The following SNAP25 variants were observed in gnomAD, a reference collection of about 807,000 sequenced individuals.
SNAP25 encodes synaptosomal-associated protein 25.
In SNAP25, 3 loss-of-function variants were observed where a neutral mutation model predicts 28.7. The ratio of observed to expected loss-of-function variants is 0.10; its 90% CI spans 0.05 to 0.27. SNAP25 has a LOEUF of 0.27. SNAP25 is among the 10% of genes least tolerant of loss of function. SNAP25 has a pLI of 1.00. For missense variants in SNAP25, 117 were observed against 278.7 expected (o/e 0.42, Z 4.13); for synonymous variants, 61 against 88.1 (o/e 0.69, Z 1.72).
chr20:10,261,009 C>A (rs925666508), intron 1 of SNAP25, among the ~76,000 whole-genome samples: 1 of 152,114 alleles, frequency 6.6e-6, no homozygotes, highest in Admixed American at 6.6e-5. Context: ...TGTTTACTAA[C>A]CACCTCTTGG....
chr20:10,273,375 A>ACTGT (rs2063632447), intron 1 of SNAP25, among the ~76,000 whole-genome samples: 2 of 152,224 alleles, frequency 1.3e-5, no homozygotes, highest in Non-Finnish European at 2.9e-5. Context: ...GACATTTACT[A>ACTGT]GTTAGTGTAA....
intron 6 of SNAP25, among the ~76,000 whole-genome samples, chr20:10,297,260 T>C (rs934365285): frequency 5.3e-5 from 8 of 152,218 alleles, no homozygotes; most frequent in Non-Finnish European, 1.2e-4. Context: ...GCTGGGGCTG[T>C]TGGTGGGGCA....
chr20:10,259,202 A>G (rs1221284620), intron 1 of SNAP25, among the ~76,000 whole-genome samples: 1 of 152,210 alleles, frequency 6.6e-6, no homozygotes, highest in African/African-American at 2.4e-5. Context: ...GTGAATGCCC[A>G]TGTTTTTTGA....
chr20:10,292,388 C>G (rs1359022751), intron 4 of SNAP25, among the ~76,000 whole-genome samples: 1 of 152,154 alleles, frequency 6.6e-6, no homozygotes, highest in Non-Finnish European at 1.5e-5. Flanking sequence ...CATCCATACC[C>G]ATTGCTTATG....
intron 5 of SNAP25, among the ~76,000 whole-genome samples, chr20:10,295,409 A>G (rs1341298032): frequency 1.3e-5 from 2 of 152,224 alleles, no homozygotes; most frequent in Non-Finnish European, 2.9e-5. Flanking sequence ...AAAAATAAAA[A>G]TTAAAAAAGC....
At chr20:10,251,112 A>T (rs1439140357) in intron 1 of SNAP25, among the ~76,000 whole-genome samples, 2 of 152,216 alleles carry the variant, frequency 1.3e-5, no homozygotes, top group Non-Finnish European at 2.9e-5. Flanking sequence ...TGTTATAAAG[A>T]TGTGTGAGAC....
intron 1 of SNAP25, among the ~76,000 whole-genome samples, chr20:10,240,933 G>A (rs908835353): frequency 6.6e-6 from 1 of 152,170 alleles, no homozygotes; most frequent in African/African-American, 2.4e-5. Context: ...CGTGGAGCCA[G>A]CAATCACAGC....
At chr20:10,277,647 C>T (rs779517767) in intron 2 of SNAP25, 38 bp from the exon 3 acceptor site, 4 of 1,583,776 alleles carry the variant, frequency 2.5e-6, no homozygotes, top group Admixed American at 1.7e-5. Flanking sequence ...GGATCCTGCA[C>T]TCATAAAGTT....
At chr20:10,285,599 A>G (rs2284299) in intron 4 of SNAP25, among the ~76,000 whole-genome samples, 4 of 151,782 alleles carry the variant, frequency 2.6e-5, no homozygotes, top group Non-Finnish European at 4.4e-5. Context: ...AGTCATGACT[A>G]TTTTTTTTAT....
intron 4 of SNAP25, among the ~76,000 whole-genome samples, chr20:10,289,754 A>G (rs2063959627): frequency 6.7e-6 from 1 of 149,902 alleles, no homozygotes; most frequent in Admixed American, 6.7e-5. Context: ...TCTTCTACTG[A>G]TTTTTACTAG....
At chr20:10,260,720 CACAA>C (rs751926380) in intron 1 of SNAP25, among the ~76,000 whole-genome samples, 106 of 145,886 alleles carry the variant, frequency 7.3e-4, no homozygotes, top group Middle Eastern at 7.0e-3. Context: ...CACACACACA[CACAA>C]ACACACACAC....
At chr20:10,226,361 A>T (rs558028550) in intron 1 of SNAP25, among the ~76,000 whole-genome samples, 1 of 152,280 alleles carries the variant, frequency 6.6e-6, no homozygotes, top group Non-Finnish European at 1.5e-5. Flanking sequence ...TACTTTTTCC[A>T]ATTCCATGAT....
chr20:10,279,756 A>G (rs2063748956), intron 3 of SNAP25, among the ~76,000 whole-genome samples: 1 of 152,242 alleles, frequency 6.6e-6, no homozygotes, highest in South Asian at 2.1e-4. Context: ...ATCTTAGAAC[A>G]AGGAGCAAAA....
At position 10,306,715 on chromosome 20, in the gene SNAP25, T is replaced by C. The variant is rs1209058588; in HGVS notation, c.*518T>C. On this transcript the variant is annotated 3_prime_UTR_variant, in exon 8 of 8. Coordinates refer to ENST00000254976, the MANE Select transcript of SNAP25 (RefSeq NM_130811.4). ...AGGCATTGCACTAAAAGTGATGTGA[T>C]TTATGCATTTATGCATGAGAACTAA... 1 of 153,204 alleles carries C rather than the reference T, an allele frequency of 6.5e-6. No homozygotes were observed. The highest frequency in any genetic ancestry group is 1.5e-5 in the Non-Finnish European group (1 of 68,356). The allele number at this position is 153,204 out of a possible 1,614,324, so 9.5% of individuals were successfully genotyped here.
chr20:10,262,565 G>A (rs930535593), intron 1 of SNAP25, among the ~76,000 whole-genome samples: 2 of 149,118 alleles, frequency 1.3e-5, no homozygotes, highest in African/African-American at 5.0e-5. Flanking sequence ...AGTACATGGC[G>A]TCCAGCTATC....
At chr20:10,291,042 C>CAT (rs1227154277) in intron 4 of SNAP25, among the ~76,000 whole-genome samples, 1 of 152,020 alleles carries the variant, frequency 6.6e-6, no homozygotes, top group African/African-American at 2.4e-5. Context: ...AGGGGATTGC[C>CAT]ATATATATAG....
At chr20:10,220,899 A>G (rs948604390) in intron 1 of SNAP25, among the ~76,000 whole-genome samples, 1 of 152,132 alleles carries the variant, frequency 6.6e-6, no homozygotes, top group African/African-American at 2.4e-5. Context: ...CTATTTAATT[A>G]TTTCCTAGTG....
At chr20:10,268,327 A>C (rs1311928963) in intron 1 of SNAP25, among the ~76,000 whole-genome samples, 1 of 152,212 alleles carries the variant, frequency 6.6e-6, no homozygotes, top group South Asian at 2.1e-4. Flanking sequence ...AATGATGAAC[A>C]GTGTGGCGAG....
intron 1 of SNAP25, among the ~76,000 whole-genome samples, chr20:10,221,241 G>C (rs1174988984): frequency 6.6e-6 from 1 of 152,204 alleles, no homozygotes; most frequent in African/African-American, 2.4e-5. Flanking sequence ...TTTGCTAGTG[G>C]AAGACTGGGG....
Sources: allele counts gnomAD v4.1 joint callset (sites outside exome capture counted in the v4.1 genomes callset), GRCh38; gene constraint gnomAD v4.1.1; transcripts MANE v1.5; gene names NCBI Gene and HGNC (gene_info 2026-07-23, HGNC 2026-07-21).